COL19A1: variants seen among roughly 807,000 people sequenced by gnomAD.
COL19A1 encodes collagen type XIX alpha 1 chain, also known as collagen alpha-1(XIX) chain.
COL19A1 carries 159 observed loss-of-function variants against 190.2 expected under a neutral mutation model. The observed-to-expected ratio is 0.84, with a 90% CI of 0.73 to 0.95. The LOEUF (loss-of-function observed/expected upper bound fraction) is 0.95. Ranked by LOEUF, COL19A1 falls within the 40% of genes least tolerant of loss-of-function variation. The pLI is 0.00. For missense variants in COL19A1, 1,418 were observed against 1,431.9 expected, an observed-to-expected ratio of 0.99 and a Z score of 0.16; for synonymous variants, 509 against 458.9, an observed-to-expected ratio of 1.11 and a Z score of -1.39.
intron 4 of COL19A1, among the ~76,000 whole-genome samples, chr6:69,902,840 A>G (rs932914705): frequency 7.2e-5 from 11 of 152,180 alleles, no homozygotes; most frequent in Admixed American, 6.5e-4. Flanking sequence ...AGGGGGCCAC[A>G]ATAGCCAACC....
chr6:69,978,266 AAGAG>A (rs904937451), intron 11 of COL19A1, among the ~76,000 whole-genome samples: 9 of 151,994 alleles, frequency 5.9e-5, no homozygotes, highest in African/African-American at 2.2e-4. Context: ...GAGAGAGAGA[AAGAG>A]AGAGAAAGAG....
At chr6:70,164,554 C>T (rs1222776778) in intron 36 of COL19A1, among the ~76,000 whole-genome samples, 3 of 152,172 alleles carry the variant, frequency 2.0e-5, no homozygotes, top group Non-Finnish European at 2.9e-5. Flanking sequence ...TTGCCCAACC[C>T]CACTAGCCTT....
intron 1 of COL19A1, 43 bp from the exon 2 acceptor site, chr6:69,879,493 G>A: frequency 1.8e-6 from 2 of 1,115,234 alleles, no homozygotes; most frequent in South Asian, 2.6e-5. Context: ...GAAAGGAGCT[G>A]CATACAATAA....
rs1214478417 is a variant in COL19A1 at position 70,163,245 on chromosome 6, A to C, written c.2347-98A>C. On this transcript the variant is annotated intron_variant, in intron 35 of 50. Coordinates refer to ENST00000620364, the MANE Select transcript of COL19A1 (RefSeq NM_001858.6). ...CTAGGGCTTATTTAATTAGGATCAA[A>C]TGACCTTCAAAATGTGTAAGTTTTA... 10 of 1,055,542 alleles carry C rather than the reference A, an allele frequency of 9.5e-6. No individual in the cohort carries two copies. The Admixed American group carries it at 1.9e-4, about 20-fold the overall frequency. The allele number at this position is 1,055,542 out of a possible 1,614,324, so 65.4% of individuals were successfully genotyped here.
At chr6:70,055,487 G>A (rs1349189760) in intron 14 of COL19A1, among the ~76,000 whole-genome samples, 1 of 151,888 alleles carries the variant, frequency 6.6e-6, no homozygotes, top group African/African-American at 2.4e-5. Flanking sequence ...AATATAAAAT[G>A]TTCACATTTT....
intron 16 of COL19A1, among the ~76,000 whole-genome samples, chr6:70,120,821 G>A (rs1461092248): frequency 6.6e-6 from 1 of 152,162 alleles, no homozygotes; most frequent in Non-Finnish European, 1.5e-5. Flanking sequence ...CTGCTCATAA[G>A]AAACACCTGG....
intron 9 of COL19A1, among the ~76,000 whole-genome samples, chr6:69,943,599 G>C (rs1041635266): frequency 2.2e-4 from 33 of 152,044 alleles, no homozygotes; most frequent in African/African-American, 8.0e-4. Flanking sequence ...TGAGAGATAA[G>C]GATCTAGTTT....
At chr6:70,053,904 TATGA>T (rs1780352853) in intron 14 of COL19A1, among the ~76,000 whole-genome samples, 1 of 152,228 alleles carries the variant, frequency 6.6e-6, no homozygotes, top group Non-Finnish European at 1.5e-5. Context: ...TCACAGATTT[TATGA>T]ATGAAGAATT....
At chr6:70,133,390 G>A (rs896526452) in intron 18 of COL19A1, among the ~76,000 whole-genome samples, 1 of 152,128 alleles carries the variant, frequency 6.6e-6, no homozygotes, top group Non-Finnish European at 1.5e-5. Context: ...AGAACACTAC[G>A]ATACAGGGAG....
chr6:69,926,693 A>C (rs1455999620), intron 4 of COL19A1, among the ~76,000 whole-genome samples: 1 of 152,120 alleles, frequency 6.6e-6, no homozygotes, highest in Non-Finnish European at 1.5e-5. Flanking sequence ...GAGAGTAAAG[A>C]AAGACTATTT....
chr6:70,175,558 G>C (rs113274984), intron 41 of COL19A1, among the ~76,000 whole-genome samples: 4 of 151,746 alleles, frequency 2.6e-5, no homozygotes, highest in Non-Finnish European at 5.9e-5. Flanking sequence ...TATAAATGCC[G>C]GTCTGTTTCT....
intron 14 of COL19A1, among the ~76,000 whole-genome samples, chr6:70,041,341 A>T (rs183341861): frequency 6.6e-6 from 1 of 152,230 alleles, no homozygotes; most frequent in Admixed American, 6.5e-5. Context: ...AGAAATAAAT[A>T]TGAGATTCTT....
chr6:69,937,652 A>G (rs1773195618), intron 8 of COL19A1, among the ~76,000 whole-genome samples: 1 of 152,004 alleles, frequency 6.6e-6, no homozygotes, highest in African/African-American at 2.4e-5. Context: ...ATCCACCACC[A>G]CTTCAACTCC....
At chr6:69,959,678 A>G (rs1246274185) in intron 9 of COL19A1, among the ~76,000 whole-genome samples, 4 of 152,202 alleles carry the variant, frequency 2.6e-5, no homozygotes. Context: ...AAGAGAGAAA[A>G]TGAAATGAGA....
chr6:69,958,639 G>A (rs529550971), intron 9 of COL19A1, among the ~76,000 whole-genome samples: 1 of 152,196 alleles, frequency 6.6e-6, no homozygotes, highest in Non-Finnish European at 1.5e-5. Flanking sequence ...TTTTACTTTA[G>A]TGTTTAGTAT....
At chr6:70,139,344 C>T (rs1786092637) in intron 19 of COL19A1, among the ~76,000 whole-genome samples, 1 of 152,138 alleles carries the variant, frequency 6.6e-6, no homozygotes, top group African/African-American at 2.4e-5. Context: ...GGGATTTCCT[C>T]TGGCTTTCTT....
Position 70,142,006 on chromosome 6 carries a change from T to C in COL19A1, c.1519-17T>C. 2 of 1,612,302 alleles carry C rather than the reference T, an allele frequency of 1.2e-6. No individual in the cohort carries two copies. The highest frequency in any genetic ancestry group is 1.7e-6 in the Non-Finnish European group (2 of 1,178,870). Reference sequence around the variant, plus strand: ...AATTAAAGAAACATTGATCTTTCCTTCCCCCCACGTGTTTAGGGTGAACCT... The same window carrying C: ...AATTAAAGAAACATTGATCTTTCCTCCCCCCCACGTGTTTAGGGTGAACCT... On this transcript the variant is annotated splice_polypyrimidine_tract_variant and intron_variant, in intron 21 of 50. Transcript: ENST00000620364.
intron 11 of COL19A1, among the ~76,000 whole-genome samples, chr6:70,019,502 A>G (rs924733741): frequency 2.0e-5 from 3 of 152,296 alleles, no homozygotes; most frequent in Admixed American, 1.3e-4. Flanking sequence ...ACTTAAGAAT[A>G]TAATATTTCA....
At chr6:70,201,791 A>C (rs1230484981) in intron 49 of COL19A1, among the ~76,000 whole-genome samples, 1 of 152,250 alleles carries the variant, frequency 6.6e-6, no homozygotes, top group African/African-American at 2.4e-5. Flanking sequence ...ATATCAGTAC[A>C]GTAGGCATGC....
Sources: allele counts gnomAD v4.1 joint callset (sites outside exome capture counted in the v4.1 genomes callset), GRCh38; gene constraint gnomAD v4.1.1; transcripts MANE v1.5; gene names NCBI Gene and HGNC (gene_info 2026-07-23, HGNC 2026-07-21).